Variants in GOLGA4 observed in about 807,000 individuals in gnomAD.
GOLGA4 encodes the protein golgin subfamily A member 4.
A neutral mutation model predicts 265.9 loss-of-function variants in GOLGA4; 169 were observed. The observed-to-expected ratio is 0.64, with a 90% CI of 0.56 to 0.72. The LOEUF is 0.72. Among genes scored for constraint, GOLGA4 ranks in the 30% least tolerant of loss-of-function variants. GOLGA4 has a pLI of 0.00. For synonymous variants in GOLGA4, 923 were observed against 855.8 expected, an observed-to-expected ratio of 1.08 and a Z score of -1.37; for missense variants, 2,482 against 2,483.4, an observed-to-expected ratio of 1.00 and a Z score of 0.01.
At chr3:37,251,779 G>C (rs2096734537) in intron 2 of GOLGA4, among the ~76,000 whole-genome samples, 1 of 152,136 alleles carries the variant, frequency 6.6e-6, no homozygotes, top group Non-Finnish European at 1.5e-5. Flanking sequence ...TGACCTTCTG[G>C]ATTCAAGTGA....
intron 12 of GOLGA4, 62 bp downstream of exon 12, chr3:37,319,256 C>T (rs1290912462): frequency 7.5e-7 from 1 of 1,338,084 alleles, no homozygotes; most frequent in East Asian, 2.4e-5. Flanking sequence ...AAGTTATCAT[C>T]CTCTCACTGT....
chr3:37,259,088 T>G (rs1578381026), intron 2 of GOLGA4, among the ~76,000 whole-genome samples: 1 of 152,202 alleles, frequency 6.6e-6, no homozygotes. Flanking sequence ...AATCTACCAT[T>G]GAAATCATGT....
intron 2 of GOLGA4, among the ~76,000 whole-genome samples, chr3:37,252,932 T>C (rs1487566207): frequency 6.6e-6 from 1 of 152,166 alleles, no homozygotes; most frequent in Non-Finnish European, 1.5e-5. Context: ...TTCATTTTAA[T>C]GATGTCCTTT....
At chr3:37,306,840 A>G (rs2096907863) in intron 10 of GOLGA4, among the ~76,000 whole-genome samples, 1 of 151,958 alleles carries the variant, frequency 6.6e-6, no homozygotes, top group Non-Finnish European at 1.5e-5. Flanking sequence ...TATCATCTAG[A>G]TTATTATATA....
In GOLGA4 at chr3:37,325,731, C is replaced by T; in HGVS notation, c.3845C>T (p.Thr1282Ile). 6.2e-7 allele frequency: 1 copy of T among 1,613,550 alleles called. No homozygotes were observed. Among genetic ancestry groups the T allele is most frequent in the Non-Finnish European group, 8.5e-7 (1 of 1,179,566 alleles). Residue 1282 changes from threonine to isoleucine, a missense_variant, in exon 14 of 24, where the codon ACA becomes ATA. Around this residue, in one of 3 missense-constraint regions of GOLGA4, gnomAD observed 1,536 missense variants for 1,483.7 expected, o/e 1.04. Coordinates refer to ENST00000361924, the MANE Select transcript of GOLGA4 (RefSeq NM_002078.5). ...SELEAQLRQL[T>I]EEQNTLNISF... ...TTAGAAGCACAACTTAGACAGTTGACAGAGGAGCAAAATACACTAAATATT... is the reference window on the plus strand; with the variant it reads ...TTAGAAGCACAACTTAGACAGTTGATAGAGGAGCAAAATACACTAAATATT...
rs142626196 is a variant in GOLGA4 at position 37,272,081 on chromosome 3, T to C, written c.163-9877T>C. On this transcript the variant is annotated intron_variant, in intron 2 of 23. Transcript: ENST00000361924. ...CAGGGCTCCCACTGATTCTATATTA[T>C]GGTGAGTTGAATAATTATTTATTAT... 9.3e-4 allele frequency among the ~76,000 whole-genome samples: 141 copies of C among 152,348 alleles called. No homozygotes were observed. In the East Asian group the frequency reaches 0.022, roughly 24 times the overall value.
At chr3:37,321,451 C>A in intron 12 of GOLGA4, 1 of 282,766 alleles carries the variant, frequency 3.5e-6, no homozygotes, top group Non-Finnish European at 6.6e-6. Context: ...CTTTCACATT[C>A]AGCAGTGTTT....
intron 16 of GOLGA4, among the ~76,000 whole-genome samples, chr3:37,329,979 G>T (rs990804188): frequency 6.7e-6 from 1 of 148,774 alleles, no homozygotes; most frequent in Non-Finnish European, 1.5e-5. Flanking sequence ...TATTTTAAAT[G>T]TAATTGAAAT....
At chr3:37,332,295 T>C (rs2096993170) in intron 16 of GOLGA4, among the ~76,000 whole-genome samples, 1 of 152,214 alleles carries the variant, frequency 6.6e-6, no homozygotes, top group African/African-American at 2.4e-5. Flanking sequence ...CATAAGTTAA[T>C]GCAAGCGTTA....
intron 21 of GOLGA4, among the ~76,000 whole-genome samples, chr3:37,349,169 T>C (rs1368803416): frequency 4.6e-5 from 7 of 152,186 alleles, no homozygotes; most frequent in Non-Finnish European, 8.8e-5. Flanking sequence ...TTTAAGTTGC[T>C]GCACATTTAT....
At position 37,243,451 on chromosome 3, in the gene GOLGA4, C is replaced by T. The variant is rs1202616385; in HGVS notation, c.-100C>T. The stretch of plus-strand genomic sequence containing the variant: ...GACGGCGAGGCCCGGCCCCCGCTGT[C>T]CCTGGTGTAAAGAAGTCGCCGTAGC... On this transcript the variant is annotated 5_prime_UTR_variant, in exon 1 of 24. Transcript: ENST00000361924. The T allele has an allele frequency of 6.0e-6, 6 of 991,900 alleles. No homozygotes were observed. Among genetic ancestry groups the T allele is most frequent in the South Asian group, 2.6e-5 (2 of 77,384 alleles). The allele number at this position is 991,900 out of a possible 1,614,324, so 61.4% of individuals were successfully genotyped here. A position where few individuals can be genotyped will look rare whatever the true frequency, so the allele number is the denominator to read the frequency against.
chr3:37,350,215 G>T (rs1410955570), intron 21 of GOLGA4, among the ~76,000 whole-genome samples: 1 of 152,122 alleles, frequency 6.6e-6, no homozygotes, highest in Non-Finnish European at 1.5e-5. Flanking sequence ...CCAAGGTGTG[G>T]CAAAGAGCCT....
chr3:37,350,241 A>T (rs1468211023), intron 21 of GOLGA4, among the ~76,000 whole-genome samples: 1 of 152,162 alleles, frequency 6.6e-6, no homozygotes, highest in Non-Finnish European at 1.5e-5. Flanking sequence ...TCTCCATTAA[A>T]GTGTTTTCTG....
chr3:37,269,272 A>G (rs921785214), intron 2 of GOLGA4, among the ~76,000 whole-genome samples: 6 of 152,258 alleles, frequency 3.9e-5, no homozygotes, highest in Non-Finnish European at 7.3e-5. Flanking sequence ...AAGCAACTGC[A>G]TAAGGATTTA....
chr3:37,269,267 A>G (rs570280434), intron 2 of GOLGA4, among the ~76,000 whole-genome samples: 4 of 152,358 alleles, frequency 2.6e-5, no homozygotes, highest in South Asian at 4.1e-4. Context: ...AGAGGAAGCA[A>G]CTGCATAAGG....
At chr3:37,354,140 G>A (rs2097083563) in intron 21 of GOLGA4, among the ~76,000 whole-genome samples, 1 of 151,954 alleles carries the variant, frequency 6.6e-6, no homozygotes, top group African/African-American at 2.4e-5. Flanking sequence ...AATGACGTGA[G>A]TCTCCAAAAT....
rs767971449 is a variant in GOLGA4, at chr3:37,319,117, G to T, written c.1468G>T (p.Ala490Ser). 6 of 1,611,174 alleles carry T rather than the reference G, an allele frequency of 3.7e-6. No homozygotes were observed. In the Admixed American group the frequency reaches 5.0e-5, roughly 13 times the overall value. ...KLQKLHEKEL[A>S]RKEQELTKKL... is the part of the protein sequence containing the mutation. ...ACAGAAGCTTCATGAAAAGGAGCTG[G>T]CCAGAAAAGAGCAGGAACTGACCAA... Residue 490 changes from alanine to serine, a missense_variant, in exon 12 of 24, where the codon GCC becomes TCC. Coordinates refer to ENST00000361924, the MANE Select transcript of GOLGA4 (RefSeq NM_002078.5).
At chr3:37,310,588 T>C (rs2096920343) in intron 10 of GOLGA4, among the ~76,000 whole-genome samples, 1 of 152,190 alleles carries the variant, frequency 6.6e-6, no homozygotes, top group African/African-American at 2.4e-5. Flanking sequence ...ATAATTCCCA[T>C]GGATGTGAGT....
intron 17 of GOLGA4, among the ~76,000 whole-genome samples, chr3:37,335,748 C>CTTTT (rs75959188): frequency 7.3e-6 from 1 of 136,416 alleles, no homozygotes. Context: ...AAGATCTAAG[C>CTTTT]TTTTTTTTTT....
Sources: gnomAD v4.1 joint callset for allele counts (sites outside exome capture counted in the v4.1 genomes callset) on GRCh38, gnomAD v4.1.1 for gene constraint, gnomAD v4.1.1 regional missense constraint, MANE v1.5 for transcripts, NCBI Gene and HGNC (gene_info 2026-07-23, HGNC 2026-07-21) for gene names.